The following TPD52L1 variants were observed in gnomAD, a reference collection of about 807,000 sequenced individuals.
The protein encoded by TPD52L1 is TPD52 like 1.
TPD52L1 carries 18 observed loss-of-function variants against 28.7 expected under a neutral mutation model. The ratio of observed to expected loss-of-function variants is 0.63; its 90% CI spans 0.43 to 0.93. The LOEUF (loss-of-function observed/expected upper bound fraction) is 0.93, where lower values mean the gene tolerates loss of function less well. TPD52L1 is among the 40% of genes least tolerant of loss of function. The pLI is 0.00. For missense variants in TPD52L1, 203 were observed against 254.8 expected, an observed-to-expected ratio of 0.80 and a Z score of 1.39; for synonymous variants, 75 against 88.8, an observed-to-expected ratio of 0.84 and a Z score of 0.88.
intron 1 of TPD52L1, among the ~76,000 whole-genome samples, chr6:125,172,628 TAACTATATAATA>T (rs1238910740): frequency 1.1e-3 from 135 of 122,920 alleles, no homozygotes; most frequent in Non-Finnish European, 1.8e-3. Context: ...TATATATATA[TAACTATATAATA>T]AACTATATAA....
intron 1 of TPD52L1, among the ~76,000 whole-genome samples, chr6:125,205,982 C>T (rs1794104735): frequency 6.6e-6 from 1 of 152,168 alleles, no homozygotes; most frequent in African/African-American, 2.4e-5. Context: ...TGGATTGTCA[C>T]CTAAGCAGCA....
At chr6:125,158,390 A>G (rs1275324533) in intron 1 of TPD52L1, among the ~76,000 whole-genome samples, 3 of 123,650 alleles carry the variant, frequency 2.4e-5, no homozygotes, top group Non-Finnish European at 4.8e-5. Flanking sequence ...TACTTACATT[A>G]TAAGTATACA....
At chr6:125,182,286 A>G (rs1302650905) in intron 1 of TPD52L1, among the ~76,000 whole-genome samples, 1 of 152,214 alleles carries the variant, frequency 6.6e-6, no homozygotes, top group Non-Finnish European at 1.5e-5. Flanking sequence ...GAAAGCATGC[A>G]AACACTGATC....
chr6:125,216,020 C>T (rs1330290870), intron 1 of TPD52L1, among the ~76,000 whole-genome samples: 2 of 152,158 alleles, frequency 1.3e-5, no homozygotes, highest in African/African-American at 4.8e-5. Context: ...GGACTGTCTG[C>T]TGACCCCCAC....
chr6:125,193,210 T>C (rs776604770), intron 1 of TPD52L1, among the ~76,000 whole-genome samples: 10 of 152,104 alleles, frequency 6.6e-5, no homozygotes, highest in Non-Finnish European at 1.2e-4. Context: ...GATTTTCAAG[T>C]TGGGGGGATG....
rs557942740 is a variant in TPD52L1, at chr6:125,259,741, G to A, written c.486+2583G>A. Among the ~76,000 whole-genome samples the A allele has an allele frequency of 6.6e-5, 10 of 152,316 alleles. No homozygotes were observed. In the South Asian group the frequency reaches 2.1e-3, roughly 32 times the overall value. On this transcript the variant is annotated intron_variant, in intron 6 of 6. Transcript: ENST00000534000. ...AAAAGGGGGGCAAGTTGCATTACATGTTTTGTTTCTTTTTGTATTATGAGA... is the reference window on the plus strand; with the variant it reads ...AAAAGGGGGGCAAGTTGCATTACATATTTTGTTTCTTTTTGTATTATGAGA...
At chr6:125,167,128 G>A (rs1790965830) in intron 1 of TPD52L1, among the ~76,000 whole-genome samples, 1 of 152,092 alleles carries the variant, frequency 6.6e-6, no homozygotes, top group Non-Finnish European at 1.5e-5. Context: ...AGCCAGGCGT[G>A]GTAGTGCATG....
rs568624499 is a variant in TPD52L1 at position 125,250,041 on chromosome 6, T to A, written c.386+1658T>A. Among the ~76,000 whole-genome samples the A allele has an allele frequency of 3.9e-5, 6 of 152,320 alleles. No individual in the cohort carries two copies. The South Asian group carries it at 1.2e-3, about 32-fold the overall frequency. The stretch of plus-strand genomic sequence containing the variant: ...ATTTGTAATAATTTTAACGGCGTTA[T>A]AACATTTATCTAAACTAATTAAATA... On this transcript the variant is annotated intron_variant, in intron 4 of 6. Coordinates refer to ENST00000534000, the MANE Select transcript of TPD52L1 (RefSeq NM_003287.4).
At chr6:125,262,458 T>G (rs1798115749) in intron 6 of TPD52L1, 1 of 158,334 alleles carries the variant, frequency 6.3e-6, no homozygotes, top group African/African-American at 2.4e-5. Flanking sequence ...TTTATACATT[T>G]GTACAATTGG....
intron 1 of TPD52L1, among the ~76,000 whole-genome samples, chr6:125,197,427 T>C (rs1386413114): frequency 2.0e-5 from 3 of 152,192 alleles, no homozygotes; most frequent in African/African-American, 4.8e-5. Flanking sequence ...AATATAACTT[T>C]TCTTATTTTT....
chr6:125,232,171 C>T (rs11970632), intron 3 of TPD52L1, among the ~76,000 whole-genome samples: 2,521 of 152,198 alleles, frequency 0.017, 26 homozygotes, highest in Non-Finnish European at 0.028. Context: ...ATGAGATTTC[C>T]CTGGGGATTA....
intron 1 of TPD52L1, among the ~76,000 whole-genome samples, chr6:125,173,828 T>G (rs1183687700): frequency 6.6e-6 from 1 of 152,172 alleles, no homozygotes; most frequent in Non-Finnish European, 1.5e-5. Flanking sequence ...AAAGAATGAC[T>G]CTGCATACTC....
intron 4 of TPD52L1, 28 bp from the exon 5 acceptor site, chr6:125,253,689 T>C: frequency 6.2e-7 from 1 of 1,609,476 alleles, no homozygotes; most frequent in South Asian, 1.1e-5. Context: ...TTTTCTTTTT[T>C]CCCCTTTAAT....
intron 1 of TPD52L1, among the ~76,000 whole-genome samples, chr6:125,161,656 G>A (rs1022685799): frequency 1.3e-5 from 2 of 152,162 alleles, no homozygotes; most frequent in African/African-American, 4.8e-5. Flanking sequence ...AGGGAAATGG[G>A]TGGCTGGTGG....
intron 6 of TPD52L1, 105 bp from the exon 7 acceptor site, chr6:125,262,729 A>G (rs1798130363): frequency 1.4e-6 from 2 of 1,409,222 alleles, no homozygotes; most frequent in Middle Eastern, 1.8e-4. Flanking sequence ...AAAGATAGAA[A>G]GTATTTCTGA....
intron 1 of TPD52L1, among the ~76,000 whole-genome samples, chr6:125,187,605 T>C (rs1044345354): frequency 6.6e-6 from 1 of 152,228 alleles, no homozygotes; most frequent in Non-Finnish European, 1.5e-5. Flanking sequence ...GAATTTTAAC[T>C]CCAACATTTG....
chr6:125,248,528 C>T (rs534606416), intron 4 of TPD52L1, 145 bp downstream of exon 4: 12 of 628,066 alleles, frequency 1.9e-5, no homozygotes, highest in African/African-American at 1.8e-4. Context: ...TGATTGATGA[C>T]TAAGATAAAT....
intron 3 of TPD52L1, among the ~76,000 whole-genome samples, chr6:125,233,118 C>T (rs1796048496): frequency 6.6e-6 from 1 of 152,110 alleles, no homozygotes; most frequent in African/African-American, 2.4e-5. Context: ...CATGAAATCC[C>T]CCCACTAATA....
chr6:125,167,535 G>A (rs184033679), intron 1 of TPD52L1, among the ~76,000 whole-genome samples: 5 of 152,250 alleles, frequency 3.3e-5, no homozygotes, highest in East Asian at 1.9e-4. Flanking sequence ...TAATTTTCAC[G>A]TGACAATTTA....
Sources: allele counts gnomAD v4.1 joint callset (sites outside exome capture counted in the v4.1 genomes callset), GRCh38; gene constraint gnomAD v4.1.1; transcripts MANE v1.5; gene names NCBI Gene and HGNC (gene_info 2026-07-23, HGNC 2026-07-21).